OPHN1: variants seen among roughly 807,000 people sequenced by gnomAD.
OPHN1 encodes the protein oligophrenin 1.
OPHN1 carries 11 observed loss-of-function variants against 60.7 expected under a neutral mutation model. The ratio of observed to expected loss-of-function variants is 0.18; its 90% CI spans 0.11 to 0.30. The LOEUF (loss-of-function observed/expected upper bound fraction) is 0.30. Ranked by LOEUF, OPHN1 falls within the 10% of genes least tolerant of loss-of-function variation. OPHN1 has a pLI of 1.00. For synonymous variants in OPHN1, 226 were observed against 222.6 expected, an observed-to-expected ratio of 1.02 and a Z score of -0.14; for missense variants, 449 against 611.0, an observed-to-expected ratio of 0.73 and a Z score of 2.80.
chrX:68,373,887 G>A (rs755406426), intron 2 of OPHN1, among the ~76,000 whole-genome samples: 2 of 111,116 alleles, frequency 1.8e-5, no homozygotes, highest in Non-Finnish European at 3.8e-5. Context: ...GGCAAATGGT[G>A]CTAGTACAAT....
rs2077445921 is a variant in OPHN1, at chrX:68,183,112, T to G, written c.1276+9807A>C. On this transcript the variant is annotated intron_variant, in intron 15 of 24. Transcript: ENST00000355520. Reference sequence around the variant, plus strand: ...AACTAAACATTCTGGAAATTCTGGATAGGATTGTCAATCAAGATTAAGAAA... The same window carrying G: ...AACTAAACATTCTGGAAATTCTGGAGAGGATTGTCAATCAAGATTAAGAAA... Among the ~76,000 whole-genome samples the G allele has an allele frequency of 2.7e-5, 3 of 111,827 alleles. No homozygotes were observed. In the South Asian group the frequency reaches 1.1e-3, roughly 42 times the overall value.
Position 68,416,997 on chromosome X carries a change from G to A in OPHN1, c.154+15870C>T, listed in dbSNP as rs140217055. Among the ~76,000 whole-genome samples, 747 of 112,414 alleles carry A rather than the reference G, an allele frequency of 6.6e-3. 4 individuals carry two copies. Among genetic ancestry groups the A allele is most frequent in the African/African-American group, 0.023 (702 of 30,997 alleles). ...CGAAAAGAGGAGGTGGACAGGATTTGGCCATGAGCCACAGCATGCTGGCTC... is the reference window on the plus strand; with the variant it reads ...CGAAAAGAGGAGGTGGACAGGATTTAGCCATGAGCCACAGCATGCTGGCTC... On this transcript the variant is annotated intron_variant, in intron 2 of 24. Coordinates refer to ENST00000355520, the MANE Select transcript of OPHN1 (RefSeq NM_002547.3).
chrX:68,287,716 A>G (rs1323937744), intron 3 of OPHN1, among the ~76,000 whole-genome samples: 1 of 112,214 alleles, frequency 8.9e-6, no homozygotes, highest in Non-Finnish European at 1.9e-5. Context: ...GAATAGGAAC[A>G]TGGCAAATTA....
chrX:68,271,159 A>G (rs2077966620), intron 5 of OPHN1, among the ~76,000 whole-genome samples: 1 of 111,152 alleles, frequency 9.0e-6, no homozygotes, highest in Admixed American at 9.6e-5. Flanking sequence ...AGAAAACTCT[A>G]TATGGTACTC....
chrX:68,163,106 C>T (rs761844201), intron 15 of OPHN1, among the ~76,000 whole-genome samples: 9 of 110,835 alleles, frequency 8.1e-5, no homozygotes, highest in African/African-American at 2.9e-4. Context: ...ATGCACCTCT[C>T]TCATAAAAAA....
intron 2 of OPHN1, among the ~76,000 whole-genome samples, chrX:68,342,032 C>G (rs1265307661): frequency 5.1e-5 from 5 of 98,584 alleles, no homozygotes; most frequent in African/African-American, 1.5e-4. Context: ...TGCAGCGGCA[C>G]AATCTCCACT....
intron 4 of OPHN1, among the ~76,000 whole-genome samples, chrX:68,280,378 A>AAATGAAGT (rs1412643745): frequency 1.8e-5 from 2 of 111,575 alleles, no homozygotes; most frequent in African/African-American, 3.3e-5. Flanking sequence ...GAGCCCAGAA[A>AAATGAAGT]AATGAAGTAA....
intron 2 of OPHN1, among the ~76,000 whole-genome samples, chrX:68,416,053 TATATATATATATATAGAGAGAGAGAGAG>T (rs1390075457): frequency 3.2e-3 from 35 of 11,102 alleles, no homozygotes; most frequent in African/African-American, 3.8e-3. Context: ...TATATATATA[TATATATATATATATAGAGAGAGAGAGAG>T]AGAGAGAGAG....
intron 15 of OPHN1, among the ~76,000 whole-genome samples, chrX:68,158,296 T>A (rs1312755970): frequency 8.9e-6 from 1 of 112,572 alleles, no homozygotes; most frequent in African/African-American, 3.2e-5. Context: ...GTACTGTGGC[T>A]GCAGGGCAGT....
chrX:68,331,282 C>T (rs1055214625), intron 2 of OPHN1, among the ~76,000 whole-genome samples: 4 of 106,056 alleles, frequency 3.8e-5, no homozygotes, highest in Admixed American at 1.1e-4. Flanking sequence ...AATTATATTA[C>T]ATAATGATTA....
intron 2 of OPHN1, among the ~76,000 whole-genome samples, chrX:68,389,400 T>G (rs2078641489): frequency 1.9e-5 from 2 of 108,048 alleles, no homozygotes; most frequent in African/African-American, 6.7e-5. Context: ...AAACCCCATC[T>G]CTACTAAAAC....
intron 2 of OPHN1, among the ~76,000 whole-genome samples, chrX:68,358,236 G>T (rs1443793075): frequency 9.0e-6 from 1 of 110,744 alleles, no homozygotes; most frequent in Non-Finnish European, 1.9e-5. Context: ...CACGAGAATC[G>T]CTTGAACCCA....
rs56107322 is a variant in OPHN1 at position 68,112,061 on chromosome X, GCACA to G, written c.1421-106_1421-103del. 73,966 of 377,086 alleles carry G rather than the reference GCACA, an allele frequency of 0.2. 3,457 individuals carry two copies. Among genetic ancestry groups the G allele is most frequent in the Non-Finnish European group, 0.24 (51,384 of 209,924 alleles). 31.1% of individuals were successfully genotyped at this position (377,086 alleles called of 1,213,427 possible). On this transcript the variant is annotated intron_variant, in intron 17 of 24. Transcript: ENST00000355520. ...CACAAACACACACACATGCACACAT[GCACA>G]CACACACACACACACACACACACAG...
In OPHN1 at chrX:68,110,261, C is replaced by T. The variant is rs1475113983; in HGVS notation, c.1526+1593G>A. 8.0e-5 allele frequency among the ~76,000 whole-genome samples: 9 copies of T among 112,020 alleles called. No homozygotes were observed. The South Asian group carries it at 3.0e-3, about 37-fold the overall frequency. ...ATGAGTGAGCTTGAGCATATTACCA[C>T]ATACTTAAGAGTATTTGCCATTCTA... On this transcript the variant is annotated intron_variant, in intron 18 of 24. Transcript: ENST00000355520.
intron 6 of OPHN1, among the ~76,000 whole-genome samples, chrX:68,227,178 A>G (rs2077698997): frequency 8.9e-6 from 1 of 112,072 alleles, no homozygotes; most frequent in South Asian, 3.7e-4. Context: ...ACATAATGGT[A>G]AAGGAATCAA....
chrX:68,273,448 G>C (rs1032039357), intron 5 of OPHN1, among the ~76,000 whole-genome samples: 1 of 111,920 alleles, frequency 8.9e-6, no homozygotes, highest in Non-Finnish European at 1.9e-5. Flanking sequence ...CCCTTCAACA[G>C]ACATTGGAGA....
chrX:68,111,993 C>T (rs773649415), intron 17 of OPHN1, 34 bp from the exon 18 acceptor site: 1 of 1,022,152 alleles, frequency 9.8e-7, no homozygotes, highest in Admixed American at 2.2e-5. Flanking sequence ...AATGGTTTGG[C>T]TTTCTGGGCA....
Position 68,109,700 on chromosome X carries a change from T to C in OPHN1, c.1526+2154A>G, listed in dbSNP as rs950421933. ...CTCTTTTTTCTTACAAAAGAAAAGC[T>C]AGCATATTATAAACCTTGTTTTACA... is the stretch of plus-strand genomic sequence containing the variant. On this transcript the variant is annotated intron_variant, in intron 18 of 24. Coordinates refer to ENST00000355520, the MANE Select transcript of OPHN1 (RefSeq NM_002547.3). 5.4e-5 allele frequency among the ~76,000 whole-genome samples: 6 copies of C among 111,910 alleles called. No individual in the cohort carries two copies. The Admixed American group carries it at 5.7e-4, about 11-fold the overall frequency.
intron 15 of OPHN1, among the ~76,000 whole-genome samples, chrX:68,191,583 G>T (rs779227173): frequency 8.9e-6 from 1 of 112,067 alleles, no homozygotes; most frequent in East Asian, 2.8e-4. Context: ...CCTGCATGTA[G>T]TTATTGAGCA....
Sources: allele counts gnomAD v4.1 joint callset (sites outside exome capture counted in the v4.1 genomes callset), GRCh38; gene constraint gnomAD v4.1.1; transcripts MANE v1.5; gene names NCBI Gene and HGNC (gene_info 2026-07-23, HGNC 2026-07-21).